PTBP2: variants seen among roughly 807,000 people sequenced by gnomAD.
PTBP2 encodes polypyrimidine tract-binding protein 2.
Under a neutral mutation model 61.4 loss-of-function variants are expected in PTBP2, and 13 were observed. The ratio of observed to expected loss-of-function variants is 0.21; its 90% CI spans 0.14 to 0.34. PTBP2 has a LOEUF of 0.34. Among genes scored for constraint, PTBP2 ranks in the 10% least tolerant of loss-of-function variants. The pLI is 1.00. For missense variants in PTBP2, 405 were observed against 642.6 expected (o/e 0.63, Z 4.00); for synonymous variants, 215 against 218.5 (o/e 0.98, Z 0.14).
intron 2 of PTBP2, among the ~76,000 whole-genome samples, chr1:96,724,160 G>T (rs945149045): frequency 1.3e-5 from 2 of 152,170 alleles, no homozygotes; most frequent in Non-Finnish European, 1.5e-5. Context: ...TTTTGGCTAA[G>T]AAAACTACTC....
At chr1:96,728,586 G>C (rs1190832124) in intron 2 of PTBP2, among the ~76,000 whole-genome samples, 2 of 152,046 alleles carry the variant, frequency 1.3e-5, no homozygotes, top group African/African-American at 4.8e-5. Context: ...AATCATTGTA[G>C]CTTTATATTG....
chr1:96,768,023 T>C (rs1247222163), intron 3 of PTBP2, among the ~76,000 whole-genome samples: 2 of 152,130 alleles, frequency 1.3e-5, no homozygotes, highest in African/African-American at 2.4e-5. Context: ...GAGTAAAATA[T>C]GACTTAAGTA....
At chr1:96,747,570 G>A (rs1654004656) in intron 2 of PTBP2, among the ~76,000 whole-genome samples, 1 of 152,066 alleles carries the variant, frequency 6.6e-6, no homozygotes, top group African/African-American at 2.4e-5. Context: ...TGAAATCTCT[G>A]TAATGACTTT....
intron 3 of PTBP2, among the ~76,000 whole-genome samples, chr1:96,758,883 T>G (rs78148917): frequency 0.019 from 2,830 of 152,260 alleles, 89 homozygotes; most frequent in African/African-American, 0.064. Context: ...CCATTCAACA[T>G]GCTTTTTAAA....
intron 8 of PTBP2, among the ~76,000 whole-genome samples, chr1:96,788,591 T>TA (rs1187607277): frequency 3.3e-5 from 5 of 152,086 alleles, no homozygotes; most frequent in Non-Finnish European, 7.4e-5. Flanking sequence ...AGTCTTCCAG[T>TA]AACAGTACTT....
At chr1:96,759,273 G>A (rs1164516317) in intron 3 of PTBP2, among the ~76,000 whole-genome samples, 1 of 152,110 alleles carries the variant, frequency 6.6e-6, no homozygotes, top group Non-Finnish European at 1.5e-5. Flanking sequence ...AATTTATGTG[G>A]AAATAAAAAG....
At chr1:96,797,744 C>G (rs557883613) in intron 8 of PTBP2, among the ~76,000 whole-genome samples, 1 of 152,084 alleles carries the variant, frequency 6.6e-6, no homozygotes, top group Non-Finnish European at 1.5e-5. Context: ...ACTTATATTA[C>G]CCAGTACAAT....
At chr1:96,770,637 T>C (rs746527868) in intron 4 of PTBP2, 71 bp from the exon 5 acceptor site, 67 of 1,255,350 alleles carry the variant, frequency 5.3e-5, no homozygotes, top group Non-Finnish European at 7.0e-5. Flanking sequence ...TAAAATCATC[T>C]GAATAGATTG....
chr1:96,802,273 T>C (rs1164977426), intron 8 of PTBP2, among the ~76,000 whole-genome samples: 1 of 149,942 alleles, frequency 6.7e-6, no homozygotes, highest in African/African-American at 2.4e-5. Context: ...TTCTCCATAG[T>C]TTTAAGACTA....
intron 2 of PTBP2, among the ~76,000 whole-genome samples, chr1:96,744,610 T>TA (rs1653495649): frequency 6.6e-6 from 1 of 152,202 alleles, no homozygotes; most frequent in African/African-American, 2.4e-5. Context: ...TGTCATGTAT[T>TA]AAAAATCATT....
chr1:96,810,682 A>G (rs12143545), intron 11 of PTBP2, among the ~76,000 whole-genome samples: 2,736 of 152,316 alleles, frequency 0.018, 33 homozygotes, highest in Non-Finnish European at 0.027. Flanking sequence ...TTTTTCTGAC[A>G]ACGTTAAGTC....
intron 3 of PTBP2, among the ~76,000 whole-genome samples, chr1:96,757,579 G>A (rs1412042616): frequency 6.6e-6 from 1 of 152,110 alleles, no homozygotes; most frequent in African/African-American, 2.4e-5. Context: ...AATTTGAAAA[G>A]TGCTATCATG....
chr1:96,777,300 A>G (rs1375474316), intron 5 of PTBP2, among the ~76,000 whole-genome samples: 4 of 152,206 alleles, frequency 2.6e-5, no homozygotes, highest in Admixed American at 2.6e-4. Context: ...TTATAAAACT[A>G]CATCTTGTTC....
At chr1:96,816,454 C>T (rs1485254411), downstream of PTBP2, 3 of 152,044 alleles carry the variant, frequency 2.0e-5, no homozygotes, top group African/African-American at 7.2e-5. Context: ...TAGAAATAAT[C>T]AGAAAAATTA....
At chr1:96,763,906 T>C (rs1656350017) in intron 3 of PTBP2, among the ~76,000 whole-genome samples, 1 of 152,320 alleles carries the variant, frequency 6.6e-6, no homozygotes, top group South Asian at 2.1e-4. Context: ...AAAAGACCTT[T>C]AAAAATTGGT....
intron 2 of PTBP2, 95 bp downstream of exon 2, chr1:96,723,689 C>CT: frequency 9.4e-7 from 1 of 1,059,718 alleles, no homozygotes; most frequent in Non-Finnish European, 1.4e-6. Flanking sequence ...TATAACGTAG[C>CT]TAACAAAACC....
In PTBP2 at chr1:96,805,222, T is replaced by C. The variant is rs577541499; in HGVS notation, c.1044+283T>C. 2.4e-4 allele frequency among the ~76,000 whole-genome samples: 37 copies of C among 152,294 alleles called. 1 individual carries two copies. In the East Asian group the frequency reaches 7.1e-3, roughly 29 times the overall value. Reference sequence around the variant, plus strand: ...TGGTGAAGTACTGTAGTTTGGCTTATCTTTTTGTTGTTCTCAAAGGCAAAT... The same window carrying C: ...TGGTGAAGTACTGTAGTTTGGCTTACCTTTTTGTTGTTCTCAAAGGCAAAT... On this transcript the variant is annotated intron_variant, in intron 9 of 13. Coordinates refer to ENST00000674951, the MANE Select transcript of PTBP2 (RefSeq NM_021190.4).
chr1:96,742,497 C>G (rs1352856729), intron 2 of PTBP2, among the ~76,000 whole-genome samples: 1 of 151,950 alleles, frequency 6.6e-6, no homozygotes, highest in Non-Finnish European at 1.5e-5. Flanking sequence ...CTTGATTTGT[C>G]TTGTCACAGA....
At position 96,734,903 on chromosome 1, in the gene PTBP2, CTTTTTTTTTTTT is replaced by C. The variant is rs369053938; in HGVS notation, c.39+11317_39+11328del. On this transcript the variant is annotated intron_variant, in intron 2 of 13. Transcript: ENST00000674951. Reference sequence around the variant, plus strand: ...CTCAATAATTGTCTCCTTTTTTTTTCTTTTTTTTTTTTTTTTTTTCCTGCTTTTTGAGAGACA... The same window carrying C: ...CTCAATAATTGTCTCCTTTTTTTTTCTTTTTTTCCTGCTTTTTGAGAGACA... Among the ~76,000 whole-genome samples the C allele has an allele frequency of 1.4e-4, 17 of 124,970 alleles. 1 individual carries two copies. The highest frequency in any genetic ancestry group is 1.1e-3 in the East Asian group (5 of 4,448). The allele number at this position is 124,970 out of a possible 152,430, so 82.0% of individuals were successfully genotyped here.
Sources: gnomAD v4.1 joint callset for allele counts (sites outside exome capture counted in the v4.1 genomes callset) on GRCh38, gnomAD v4.1.1 for gene constraint, MANE v1.5 for transcripts, NCBI Gene and HGNC (gene_info 2026-07-23, HGNC 2026-07-21) for gene names.